SLCO3A1: variants seen among roughly 807,000 people sequenced by gnomAD.
SLCO3A1 encodes solute carrier organic anion transporter family member 3A1, also known as PGE1 transporter.
SLCO3A1 carries 27 observed loss-of-function variants against 63.1 expected under a neutral mutation model. The ratio of observed to expected loss-of-function variants is 0.43; its 90% CI spans 0.32 to 0.59. The LOEUF (loss-of-function observed/expected upper bound fraction) is 0.59. SLCO3A1 is among the 20% of genes least tolerant of loss of function. The probability of loss-of-function intolerance (pLI) is 0.09; values close to 1 mark genes in which losing one functional copy is unlikely to be tolerated. For synonymous variants in SLCO3A1, 473 were observed against 409.9 expected (o/e 1.15, Z -1.86); for missense variants, 773 against 945.8 (o/e 0.82, Z 2.40).
chr15:92,127,196 C>T lies in SLCO3A1; in HGVS notation c.1373+937C>T, dbSNP rs540052044. ...TTCCAATCCCCGCCCCAGCCTGGCC[C>T]CGACTTCGTGTTCAGATATGTCTTC... On this transcript the variant is annotated intron_variant, in intron 6 of 9. Coordinates refer to ENST00000318445, the MANE Select transcript of SLCO3A1 (RefSeq NM_013272.4). Among the ~76,000 whole-genome samples the T allele has an allele frequency of 5.3e-5, 8 of 152,350 alleles. 1 individual carries two copies. In the South Asian group the frequency reaches 1.7e-3, roughly 32 times the overall value.
intron 2 of SLCO3A1, among the ~76,000 whole-genome samples, chr15:92,083,968 C>T (rs1005006673): frequency 6.6e-6 from 1 of 152,108 alleles, no homozygotes; most frequent in Non-Finnish European, 1.5e-5. Flanking sequence ...AGACCCTGGC[C>T]ATGCAGCTCT....
intron 7 of SLCO3A1, among the ~76,000 whole-genome samples, chr15:92,136,881 G>C (rs576892082): frequency 2.6e-5 from 4 of 151,464 alleles, no homozygotes; most frequent in Non-Finnish European, 5.9e-5. Flanking sequence ...GTTTACCTGG[G>C]AGTTATTTCT....
chr15:91,969,037 C>G (rs1042629544), intron 2 of SLCO3A1, among the ~76,000 whole-genome samples: 2 of 152,194 alleles, frequency 1.3e-5, no homozygotes, highest in Admixed American at 1.3e-4. Flanking sequence ...CACCTTGCAT[C>G]ATTTTTTGGT....
intron 2 of SLCO3A1, among the ~76,000 whole-genome samples, chr15:92,007,576 G>T (rs1459500404): frequency 1.3e-5 from 2 of 152,170 alleles, no homozygotes; most frequent in African/African-American, 2.4e-5. Flanking sequence ...GTACTAGAAT[G>T]GCCTTGCATA....
intron 2 of SLCO3A1, among the ~76,000 whole-genome samples, chr15:92,026,214 A>G (rs1597234138): frequency 6.6e-6 from 1 of 152,338 alleles, no homozygotes; most frequent in East Asian, 1.9e-4. Context: ...GAGGAACTGC[A>G]GTCTTGGGTG....
chr15:92,160,404 T>C (rs2048421436), intron 9 of SLCO3A1, among the ~76,000 whole-genome samples: 1 of 152,000 alleles, frequency 6.6e-6, no homozygotes, highest in African/African-American at 2.4e-5. Context: ...AAAAAGGCAC[T>C]TGTTAGGGGG....
downstream of SLCO3A1, among the ~76,000 whole-genome samples, chr15:92,166,110 A>G (rs1036201963): frequency 6.6e-6 from 1 of 152,102 alleles, no homozygotes; most frequent in East Asian, 1.9e-4. Context: ...AAGTAAGCAC[A>G]TTTTGCAAAA....
intron 2 of SLCO3A1, among the ~76,000 whole-genome samples, chr15:92,084,490 C>G (rs1006778406): frequency 1.3e-5 from 2 of 152,196 alleles, no homozygotes; most frequent in African/African-American, 4.8e-5. Context: ...ACCAGTACAG[C>G]AGAGCCTTGA....
At chr15:91,930,846 TC>T (rs1899200288) in intron 2 of SLCO3A1, among the ~76,000 whole-genome samples, 1 of 152,178 alleles carries the variant, frequency 6.6e-6, no homozygotes, top group Non-Finnish European at 1.5e-5. Flanking sequence ...TGGGAGGAAA[TC>T]CTGATGCAAA....
intron 2 of SLCO3A1, among the ~76,000 whole-genome samples, chr15:91,957,335 G>T (rs1324980201): frequency 6.7e-6 from 1 of 149,012 alleles, no homozygotes; most frequent in African/African-American, 2.5e-5. Context: ...CGCCAATGTG[G>T]TCTCAAAAGT....
intron 7 of SLCO3A1, among the ~76,000 whole-genome samples, chr15:92,139,187 G>T (rs994937466): frequency 5.3e-4 from 80 of 150,556 alleles, no homozygotes; most frequent in African/African-American, 1.4e-3. Context: ...TAGCATGAAG[G>T]GTTGTTGAAT....
chr15:91,904,787 C>G (rs1438199021), intron 1 of SLCO3A1, among the ~76,000 whole-genome samples: 2 of 152,146 alleles, frequency 1.3e-5, no homozygotes, highest in Admixed American at 6.5e-5. Context: ...GTGTTTATTC[C>G]ATACCTGCAT....
At chr15:92,125,930 C>A in intron 5 of SLCO3A1, 131 bp from the exon 6 acceptor site, 1 of 721,838 alleles carries the variant, frequency 1.4e-6, no homozygotes, top group Non-Finnish European at 2.4e-6. Context: ...TCCAGGGTCC[C>A]ATGGAGGCAG....
Position 91,912,480 on chromosome 15 carries a change from C to T in SLCO3A1, c.181-3513C>T, listed in dbSNP as rs969386773. On this transcript the variant is annotated intron_variant, in intron 1 of 9. Transcript: ENST00000318445. The surrounding 1 kb of genome is among the most constrained non-coding windows in gnomAD (Gnocchi z 5.0). ...CCAGGACAAGAGCTGCAGGCACGGG[C>T]GTTATCTGTCTCTAAAAGAACTGAT... 2.6e-5 allele frequency among the ~76,000 whole-genome samples: 4 copies of T among 152,190 alleles called. No homozygotes were observed. The highest frequency in any genetic ancestry group is 4.4e-5 in the Non-Finnish European group (3 of 68,044).
intron 2 of SLCO3A1, among the ~76,000 whole-genome samples, chr15:91,927,982 A>G (rs1320611670): frequency 1.3e-5 from 2 of 152,272 alleles, no homozygotes; most frequent in East Asian, 3.9e-4. Context: ...TAGATCTACC[A>G]TATTGATTGA....
At chr15:91,874,618 C>T (rs960773440) in intron 1 of SLCO3A1, among the ~76,000 whole-genome samples, 5 of 152,212 alleles carry the variant, frequency 3.3e-5, no homozygotes, top group Admixed American at 1.3e-4. Flanking sequence ...GTATAGACCA[C>T]GTTTTGCTTA....
intron 2 of SLCO3A1, among the ~76,000 whole-genome samples, chr15:91,971,735 A>T (rs1198367240): frequency 6.6e-6 from 1 of 152,154 alleles, no homozygotes; most frequent in Non-Finnish European, 1.5e-5. Flanking sequence ...ACACAAGGTT[A>T]TGTGGTGATG....
intron 2 of SLCO3A1, among the ~76,000 whole-genome samples, chr15:91,926,602 C>CGCGCGT (rs1555450195): frequency 2.6e-4 from 9 of 34,918 alleles, no homozygotes; most frequent in African/African-American, 5.6e-4. Context: ...TGTGTGCGCG[C>CGCGCGT]GCGCACGCCC....
intron 2 of SLCO3A1, among the ~76,000 whole-genome samples, chr15:92,046,768 G>C (rs764599065): frequency 6.6e-6 from 1 of 150,990 alleles, no homozygotes; most frequent in Non-Finnish European, 1.5e-5. Flanking sequence ...TCCCAGCTTA[G>C]GATTTCATTC....
Sources: gnomAD v4.1 joint callset for allele counts (sites outside exome capture counted in the v4.1 genomes callset) on GRCh38, gnomAD v4.1.1 for gene constraint, Gnocchi (gnomAD v3.1) non-coding constraint, MANE v1.5 for transcripts, NCBI Gene and HGNC (gene_info 2026-07-23, HGNC 2026-07-21) for gene names.